TTC3: variants seen among roughly 807,000 people sequenced by gnomAD.
TTC3 encodes E3 ubiquitin-protein ligase TTC3.
TTC3 carries 180 observed loss-of-function variants against 249.6 expected under a neutral mutation model. The ratio of observed to expected loss-of-function variants is 0.72; its 90% CI spans 0.64 to 0.82. The LOEUF is 0.82. Among genes scored for constraint, TTC3 ranks in the 40% least tolerant of loss-of-function variants. The pLI is 0.00. For missense variants in TTC3, 2,061 were observed against 2,398.4 expected, an observed-to-expected ratio of 0.86 and a Z score of 2.94; for synonymous variants, 717 against 805.0, an observed-to-expected ratio of 0.89 and a Z score of 1.85.
chr21:37,199,911 G>A (rs1279463597), intron 44 of TTC3, among the ~76,000 whole-genome samples: 2 of 152,154 alleles, frequency 1.3e-5, no homozygotes, highest in African/African-American at 4.8e-5. Flanking sequence ...TTAAATGTAT[G>A]ATTAATTCAC....
chr21:37,084,558 AAC>A (rs1253264606), intron 1 of TTC3, among the ~76,000 whole-genome samples: 1 of 152,212 alleles, frequency 6.6e-6, no homozygotes, highest in Non-Finnish European at 1.5e-5. Context: ...TATGCGAGGA[AAC>A]ACAGAGGAAG....
At chr21:37,184,058 A>G (rs1282692807) in intron 36 of TTC3, among the ~76,000 whole-genome samples, 1 of 152,094 alleles carries the variant, frequency 6.6e-6, no homozygotes, top group Non-Finnish European at 1.5e-5. Context: ...ACAATGAGGA[A>G]AAGTAAAACA....
At chr21:37,108,220 C>G in intron 10 of TTC3, 172 bp from the exon 11 acceptor site, 2 of 515,312 alleles carry the variant, frequency 3.9e-6, no homozygotes, top group Non-Finnish European at 3.3e-6. Flanking sequence ...TTTTATTTTT[C>G]TGTATTTTCC....
intron 1 of TTC3, 126 bp from the exon 2 acceptor site, chr21:37,087,121 G>C (rs2072597185): frequency 2.0e-6 from 2 of 1,014,298 alleles, no homozygotes; most frequent in Non-Finnish European, 2.9e-6. Flanking sequence ...TCAGTGTTCT[G>C]ATAGGAGTTA....
intron 16 of TTC3, among the ~76,000 whole-genome samples, chr21:37,129,657 G>T (rs747005649): frequency 6.6e-6 from 1 of 151,874 alleles, no homozygotes; most frequent in Non-Finnish European, 1.5e-5. Context: ...TTGAGATAGG[G>T]TCTTGCTCTA....
intron 25 of TTC3, among the ~76,000 whole-genome samples, chr21:37,151,327 T>C (rs1433330680): frequency 2.6e-5 from 4 of 152,162 alleles, no homozygotes; most frequent in African/African-American, 9.6e-5. Flanking sequence ...ATTACTTCTC[T>C]ATAGCTTTTT....
exon 6 of TTC3, chr21:37,090,266 A>G (rs778555064): frequency 6.2e-7 from 1 of 1,607,244 alleles, no homozygotes; most frequent in Non-Finnish European, 8.5e-7. Context: ...CTTATTGAGA[A>G]TTGGTTGTAA....
chr21:37,202,927 C>A (rs1261116939), exon 46 of TTC3: 2 of 152,158 alleles, frequency 1.3e-5, no homozygotes, highest in Middle Eastern at 3.2e-3. Flanking sequence ...GTCTGCATAT[C>A]CATAAGAATT....
chr21:37,137,717 G>T (rs1349120804), intron 18 of TTC3, among the ~76,000 whole-genome samples: 1 of 152,090 alleles, frequency 6.6e-6, no homozygotes, highest in Non-Finnish European at 1.5e-5. Flanking sequence ...TTCTAGTGTG[G>T]GTAAAATACT....
intron 34 of TTC3, 122 bp downstream of exon 34, chr21:37,167,742 C>A: frequency 1.7e-6 from 1 of 572,606 alleles, no homozygotes; most frequent in Non-Finnish European, 2.8e-6. Context: ...ATGGAATAAG[C>A]TTGAGAACAT....
intron 11 of TTC3, among the ~76,000 whole-genome samples, chr21:37,119,216 AT>A (rs1023653232): frequency 7.9e-5 from 12 of 152,044 alleles, no homozygotes; most frequent in African/African-American, 2.9e-4. Flanking sequence ...AGGTTTTAAG[AT>A]TTTTTTTAGG....
intron 16 of TTC3, among the ~76,000 whole-genome samples, chr21:37,130,302 C>T (rs2077365941): frequency 1.3e-5 from 2 of 152,068 alleles, no homozygotes; most frequent in African/African-American, 4.8e-5. Context: ...CATGAGTCTT[C>T]TTCCCTGCCC....
intron 39 of TTC3, among the ~76,000 whole-genome samples, chr21:37,190,539 A>G (rs2083946946): frequency 6.6e-6 from 1 of 152,176 alleles, no homozygotes. Flanking sequence ...GGTTGAGACC[A>G]AGTGGTAGTC....
intron 42 of TTC3, 95 bp downstream of exon 42, chr21:37,196,131 A>T: frequency 6.7e-7 from 1 of 1,489,546 alleles, no homozygotes; most frequent in Non-Finnish European, 9.0e-7. Flanking sequence ...TGTTAACATG[A>T]AAAGGGTTGC....
At chr21:37,096,704 A>G in intron 10 of TTC3, 61 bp downstream of exon 10, 1 of 1,341,402 alleles carries the variant, frequency 7.5e-7, no homozygotes, top group Admixed American at 2.0e-5. Flanking sequence ...TTTTTGGGAA[A>G]CGTTTCTGTT....
rs114018547 is a variant in TTC3 at position 37,116,895 on chromosome 21, C to T, written c.901-4922C>T. Among the ~76,000 whole-genome samples, 994 of 151,980 alleles carry T rather than the reference C, an allele frequency of 6.5e-3. 12 individuals are homozygous for T. Among genetic ancestry groups the T allele is most frequent in the African/African-American group, 0.022 (930 of 41,468 alleles). ...AGGCACATGTATTTCATACTTCATT[C>T]CTGGTTTTACGTAATTTAAAAAAAG... is the stretch of plus-strand genomic sequence containing the variant. On this transcript the variant is annotated intron_variant, in intron 11 of 45. Transcript: ENST00000355666.
At chr21:37,165,501 T>C (rs2081168852) in intron 32 of TTC3, 49 bp from the exon 33 acceptor site, 1 of 1,419,440 alleles carries the variant, frequency 7.0e-7, no homozygotes, top group South Asian at 1.4e-5. Context: ...AATAGACATA[T>C]TCAAGTACTT....
chr21:37,087,064 G>A, intron 1 of TTC3, 183 bp from the exon 2 acceptor site: 1 of 616,458 alleles, frequency 1.6e-6, no homozygotes, highest in Non-Finnish European at 2.8e-6. Flanking sequence ...AAATTATCTG[G>A]AGAGAGAGGA....
chr21:37,182,971 G>T, intron 36 of TTC3, 58 bp downstream of exon 36: 1 of 1,359,178 alleles, frequency 7.4e-7, no homozygotes, highest in African/African-American at 1.5e-5. Context: ...GTGGCTTTTG[G>T]TTATTTTCAC....
Sources: gnomAD v4.1 joint callset for allele counts (sites outside exome capture counted in the v4.1 genomes callset) on GRCh38, gnomAD v4.1.1 for gene constraint, MANE v1.5 for transcripts, NCBI Gene and HGNC (gene_info 2026-07-23, HGNC 2026-07-21) for gene names.